ADAMTS6: variants seen among roughly 807,000 people sequenced by gnomAD.
ADAMTS6 encodes ADAM metallopeptidase with thrombospondin type 1 motif 6.
ADAMTS6 carries 23 observed loss-of-function variants against 144.3 expected under a neutral mutation model. The observed-to-expected ratio is 0.16, with a 90% CI of 0.11 to 0.23. The LOEUF (loss-of-function observed/expected upper bound fraction) is 0.23. Among genes scored for constraint, ADAMTS6 ranks in the 10% least tolerant of loss-of-function variants. The probability of loss-of-function intolerance (pLI) is 1.00; values close to 1 mark genes in which losing one functional copy is unlikely to be tolerated. For synonymous variants in ADAMTS6, 444 were observed against 457.5 expected, an observed-to-expected ratio of 0.97 and a Z score of 0.38; for missense variants, 999 against 1,379.6, an observed-to-expected ratio of 0.72 and a Z score of 4.37.
At chr5:65,190,871 C>T (rs1754977361) in intron 21 of ADAMTS6, among the ~76,000 whole-genome samples, 1 of 152,122 alleles carries the variant, frequency 6.6e-6, no homozygotes, top group African/African-American at 2.4e-5. Flanking sequence ...GATTAAATCA[C>T]ACCCTAGTTA....
At chr5:65,280,683 A>G (rs1443919286) in intron 11 of ADAMTS6, among the ~76,000 whole-genome samples, 1 of 152,198 alleles carries the variant, frequency 6.6e-6, no homozygotes, top group African/African-American at 2.4e-5. Flanking sequence ...TAAATGAACT[A>G]AATTTAGTTG....
At chr5:65,259,708 G>C (rs989426669) in intron 14 of ADAMTS6, among the ~76,000 whole-genome samples, 1 of 152,134 alleles carries the variant, frequency 6.6e-6, no homozygotes, top group African/African-American at 2.4e-5. Flanking sequence ...GGGAAACAAG[G>C]CAATGGGAAA....
chr5:65,170,204 A>G (rs1753529741), intron 24 of ADAMTS6, among the ~76,000 whole-genome samples: 1 of 152,230 alleles, frequency 6.6e-6, no homozygotes, highest in Non-Finnish European at 1.5e-5. Flanking sequence ...CATTATATGT[A>G]TAACAAGAAT....
At chr5:65,251,476 T>C (rs1437130733) in intron 14 of ADAMTS6, 2 of 152,232 alleles carry the variant, frequency 1.3e-5, no homozygotes, top group Admixed American at 1.3e-4. Flanking sequence ...CTATATATCT[T>C]TAATAAATGC....
At chr5:65,436,555 G>T (rs1757422817) in intron 7 of ADAMTS6, among the ~76,000 whole-genome samples, 1 of 152,104 alleles carries the variant, frequency 6.6e-6, no homozygotes, top group Non-Finnish European at 1.5e-5. Flanking sequence ...AAAAATCTTG[G>T]CCGGGCGCAG....
chr5:65,301,752 T>A (rs927079508), intron 9 of ADAMTS6, among the ~76,000 whole-genome samples: 1 of 151,990 alleles, frequency 6.6e-6, no homozygotes, highest in African/African-American at 2.4e-5. Context: ...TGAACTGACT[T>A]TCATAAGTAC....
chr5:65,227,945 A>G (rs1253525284), intron 15 of ADAMTS6, among the ~76,000 whole-genome samples: 2 of 152,102 alleles, frequency 1.3e-5, no homozygotes, highest in Non-Finnish European at 2.9e-5. Context: ...GTTTTCTTCC[A>G]TTTTCAATGT....
intron 15 of ADAMTS6, among the ~76,000 whole-genome samples, chr5:65,238,426 A>C (rs1758870702): frequency 6.6e-6 from 1 of 151,994 alleles, no homozygotes; most frequent in Non-Finnish European, 1.5e-5. Flanking sequence ...AACATGGTGA[A>C]ACCCTGTGTC....
intron 4 of ADAMTS6, among the ~76,000 whole-genome samples, chr5:65,455,563 G>C (rs1231515799): frequency 1.3e-5 from 2 of 151,216 alleles, no homozygotes; most frequent in South Asian, 2.1e-4. Context: ...AATTAAAAAA[G>C]AGAACAGGTT....
intron 9 of ADAMTS6, among the ~76,000 whole-genome samples, chr5:65,308,628 T>C (rs1744175100): frequency 6.6e-6 from 1 of 152,206 alleles, no homozygotes; most frequent in Non-Finnish European, 1.5e-5. Context: ...TTCTCTCTTC[T>C]CTGGAGCATA....
At chr5:65,284,712 G>A (rs943139261) in intron 11 of ADAMTS6, among the ~76,000 whole-genome samples, 5 of 152,074 alleles carry the variant, frequency 3.3e-5, no homozygotes, top group African/African-American at 1.2e-4. Flanking sequence ...TTCAAGTTTG[G>A]TGATCTGTAA....
intron 3 of ADAMTS6, among the ~76,000 whole-genome samples, chr5:65,462,988 G>A (rs1759737964): frequency 6.6e-6 from 1 of 151,904 alleles, no homozygotes; most frequent in Admixed American, 6.6e-5. Context: ...GCTGAGGAAG[G>A]AGAATCACTC....
intron 14 of ADAMTS6, among the ~76,000 whole-genome samples, chr5:65,247,842 C>G (rs912580331): frequency 6.6e-6 from 1 of 152,146 alleles, no homozygotes; most frequent in Non-Finnish European, 1.5e-5. Context: ...ACCAAATTCA[C>G]TCTTGCGTCA....
chr5:65,294,974 T>C (rs1391041785), intron 10 of ADAMTS6, among the ~76,000 whole-genome samples: 1 of 152,172 alleles, frequency 6.6e-6, no homozygotes, highest in Non-Finnish European at 1.5e-5. Flanking sequence ...GGTAGTCTTT[T>C]GTAACTTTAT....
chr5:65,184,070 A>G (rs1754525150), intron 22 of ADAMTS6, among the ~76,000 whole-genome samples: 2 of 151,980 alleles, frequency 1.3e-5, no homozygotes, highest in South Asian at 2.1e-4. Flanking sequence ...TTTCCTCTTT[A>G]TTCATATAAT....
At chr5:65,203,202 G>GT (rs1193237452) in intron 20 of ADAMTS6, among the ~76,000 whole-genome samples, 1 of 152,182 alleles carries the variant, frequency 6.6e-6, no homozygotes, top group African/African-American at 2.4e-5. Flanking sequence ...TGAAAGGCAA[G>GT]TTTCCTAATA....
At chr5:65,278,517 A>G (rs1325991305) in intron 11 of ADAMTS6, among the ~76,000 whole-genome samples, 2 of 152,170 alleles carry the variant, frequency 1.3e-5, no homozygotes, top group Non-Finnish European at 2.9e-5. Flanking sequence ...TAATAATGTC[A>G]ATTCTTGCAG....
chr5:65,368,714 C>T (rs1046728384), intron 7 of ADAMTS6, among the ~76,000 whole-genome samples: 3 of 152,156 alleles, frequency 2.0e-5, no homozygotes, highest in East Asian at 3.9e-4. Flanking sequence ...GAAGCCACTA[C>T]ACCTGCCCTT....
chr5:65,404,481 T>A lies in ADAMTS6; in HGVS notation c.1073+46994A>T, dbSNP rs543024885. ...CCCTACAAAGGATATGAACTCATCC[T>A]TTTTTATGGCTGCATAATATTCCAT... On this transcript the variant is annotated intron_variant, in intron 7 of 24. Transcript: ENST00000381055. Among the ~76,000 whole-genome samples, 11 of 151,578 alleles carry A rather than the reference T, an allele frequency of 7.3e-5. No homozygotes were observed. The East Asian group carries it at 2.1e-3, about 29-fold the overall frequency.
Sources: allele counts gnomAD v4.1 joint callset (sites outside exome capture counted in the v4.1 genomes callset), GRCh38; gene constraint gnomAD v4.1.1; transcripts MANE v1.5; gene names NCBI Gene and HGNC (gene_info 2026-07-23, HGNC 2026-07-21).